ROCK1: variants seen among roughly 807,000 people sequenced by gnomAD.
ROCK1 encodes Rho associated coiled-coil containing protein kinase 1.
Under a neutral mutation model 196.8 loss-of-function variants are expected in ROCK1, and 36 were observed. That is an observed-to-expected ratio of 0.18 (90% CI 0.14 to 0.24). The LOEUF (loss-of-function observed/expected upper bound fraction) is 0.24, where lower values mean the gene tolerates loss of function less well. Ranked by LOEUF, ROCK1 falls within the 10% of genes least tolerant of loss-of-function variation. The pLI is 1.00. For synonymous variants in ROCK1, 443 were observed against 515.9 expected (o/e 0.86, Z 1.91); for missense variants, 920 against 1,562.0 (o/e 0.59, Z 6.93).
intron 1 of ROCK1, among the ~76,000 whole-genome samples, chr18:21,103,054 C>T (rs555781640): frequency 3.3e-5 from 5 of 152,064 alleles, no homozygotes; most frequent in Non-Finnish European, 7.4e-5. Flanking sequence ...GAACATCTAC[C>T]TTCCTATTAA....
intron 2 of ROCK1, among the ~76,000 whole-genome samples, chr18:21,067,430 A>T (rs2036345435): frequency 7.6e-6 from 1 of 131,512 alleles, no homozygotes; most frequent in South Asian, 2.3e-4. Flanking sequence ...TCTGTCGCCC[A>T]GGCTGGAGTG....
intron 4 of ROCK1, among the ~76,000 whole-genome samples, chr18:21,046,998 A>G (rs1432314195): frequency 6.6e-6 from 1 of 152,144 alleles, no homozygotes; most frequent in Non-Finnish European, 1.5e-5. Flanking sequence ...AATGTAAAAA[A>G]TGTATTTTGG....
chr18:20,977,810 C>T (rs923275822), intron 22 of ROCK1, among the ~76,000 whole-genome samples: 6 of 152,156 alleles, frequency 3.9e-5, no homozygotes, highest in Non-Finnish European at 7.3e-5. Flanking sequence ...AATGCATACA[C>T]CTGGGATTGC....
At chr18:21,070,220 T>C (rs946300876) in intron 2 of ROCK1, among the ~76,000 whole-genome samples, 1 of 152,116 alleles carries the variant, frequency 6.6e-6, no homozygotes, top group African/African-American at 2.4e-5. Flanking sequence ...AATTTAAATA[T>C]AAAACAGCTT....
intron 16 of ROCK1, among the ~76,000 whole-genome samples, chr18:20,996,803 G>C (rs1052144672): frequency 3.3e-5 from 5 of 152,176 alleles, no homozygotes; most frequent in African/African-American, 1.2e-4. Context: ...CTAAGTTAAA[G>C]TGTAGAGTTT....
chr18:20,993,389 G>A (rs2035643556), intron 16 of ROCK1, among the ~76,000 whole-genome samples: 1 of 152,148 alleles, frequency 6.6e-6, no homozygotes, highest in Non-Finnish European at 1.5e-5. Flanking sequence ...ATTTAGTAGA[G>A]ACGGGGTTTC....
chr18:20,959,992 C>T (rs2143338469), intron 28 of ROCK1, 64 bp from the exon 29 acceptor site: 1 of 1,131,370 alleles, frequency 8.8e-7, no homozygotes, highest in Non-Finnish European at 1.3e-6. Context: ...AAGTGATAAG[C>T]ATAATATTTG....
chr18:20,965,392 C>T (rs72879408), intron 27 of ROCK1, among the ~76,000 whole-genome samples: 27 of 137,904 alleles, frequency 2.0e-4, no homozygotes, highest in South Asian at 5.0e-4. Flanking sequence ...TTCATACATA[C>T]ATACATACAT....
At chr18:21,108,916 C>G (rs1385060810) in intron 1 of ROCK1, among the ~76,000 whole-genome samples, 2 of 152,142 alleles carry the variant, frequency 1.3e-5, no homozygotes, top group Non-Finnish European at 2.9e-5. Context: ...CCAATCAAAT[C>G]CTCCACAATC....
chr18:21,054,985 T>C (rs2036234761), intron 2 of ROCK1, among the ~76,000 whole-genome samples: 1 of 152,168 alleles, frequency 6.6e-6, no homozygotes. Flanking sequence ...AATCCATTGA[T>C]TCTACTACAC....
intron 25 of ROCK1, 198 bp downstream of exon 25, chr18:20,968,574 G>A: frequency 4.0e-6 from 2 of 503,368 alleles, no homozygotes; most frequent in Non-Finnish European, 7.0e-6. Context: ...CTAAAGTGTT[G>A]GGATTACAGG....
intron 18 of ROCK1, among the ~76,000 whole-genome samples, chr18:20,990,878 A>T (rs1413201744): frequency 1.3e-5 from 2 of 149,706 alleles, no homozygotes; most frequent in Non-Finnish European, 3.0e-5. Flanking sequence ...CTCCTGCCTC[A>T]GCCTCCCCAG....
chr18:20,972,691 AAC>A (rs1265485891), intron 22 of ROCK1, among the ~76,000 whole-genome samples: 10 of 152,174 alleles, frequency 6.6e-5, no homozygotes, highest in Admixed American at 1.3e-4. Flanking sequence ...ATAAGGTGAG[AAC>A]TGAGAAGTCA....
rs1159712612 is a variant in ROCK1, at chr18:21,111,240, A to C, written c.-330T>G. The C allele has an allele frequency of 3.1e-5, 15 of 490,864 alleles. No individual in the cohort carries two copies. The East Asian group carries it at 4.9e-4, about 16-fold the overall frequency. The allele number at this position is 490,864 out of a possible 1,614,324, so 30.4% of individuals were successfully genotyped here. On this transcript the variant is annotated 5_prime_UTR_variant, in exon 1 of 33. It removes an upstream start codon present in the reference 5' UTR. Transcript: ENST00000399799. This position sits in a 1 kb window ranked among gnomAD's most constrained non-coding sequence, Gnocchi z 4.2. ...CTAGCGGGCCCCGGCCGCCGTCGCC[A>C]TGGAGGGGTCCCCGTCCCGAGATGG...
intron 12 of ROCK1, among the ~76,000 whole-genome samples, chr18:21,018,825 T>C (rs1228074388): frequency 6.6e-6 from 1 of 152,198 alleles, no homozygotes; most frequent in African/African-American, 2.4e-5. Flanking sequence ...TGTTGAATAC[T>C]TTTCGTGTTA....
Position 20,960,219 on chromosome 18 carries a change from G to A in ROCK1, c.3353-13C>T, listed in dbSNP as rs375202284. The A allele has an allele frequency of 1.4e-6, 2 of 1,464,640 alleles. No homozygotes were observed. The highest frequency in any genetic ancestry group is 1.9e-6 in the Non-Finnish European group (2 of 1,044,374). The allele number at this position is 1,464,640 out of a possible 1,614,324, so 90.7% of individuals were successfully genotyped here. ...TCAATTCTTGACTCTAGGAGAAAAA[G>A]AATATATGTATTAGTCAGTCTTAAA... On this transcript the variant is annotated splice_polypyrimidine_tract_variant and intron_variant, in intron 27 of 32. Coordinates refer to ENST00000399799, the MANE Select transcript of ROCK1 (RefSeq NM_005406.3).
At chr18:21,098,200 T>A (rs1349020694) in intron 1 of ROCK1, among the ~76,000 whole-genome samples, 1 of 152,210 alleles carries the variant, frequency 6.6e-6, no homozygotes, top group Non-Finnish European at 1.5e-5. Context: ...AAAGCCTTTA[T>A]AATTGACACA....
At chr18:21,078,369 CACACAG>C (rs1332246109) in intron 1 of ROCK1, among the ~76,000 whole-genome samples, 27 of 148,440 alleles carry the variant, frequency 1.8e-4, no homozygotes, top group East Asian at 9.8e-4. Flanking sequence ...CACACACACA[CACACAG>C]AGAGAGAGAG....
At chr18:21,083,483 C>CCTTA (rs1299188671) in intron 1 of ROCK1, among the ~76,000 whole-genome samples, 1 of 152,158 alleles carries the variant, frequency 6.6e-6, no homozygotes, top group African/African-American at 2.4e-5. Context: ...GCACATACAG[C>CCTTA]TGGTGCTCAA....
Sources: gnomAD v4.1 joint callset for allele counts (sites outside exome capture counted in the v4.1 genomes callset) on GRCh38, gnomAD v4.1.1 for gene constraint, Gnocchi (gnomAD v3.1) non-coding constraint, MANE v1.5 for transcripts, NCBI Gene and HGNC (gene_info 2026-07-23, HGNC 2026-07-21) for gene names.